The following VPS50 variants were observed in gnomAD, a reference collection of about 807,000 sequenced individuals.
VPS50 encodes the protein syndetin.
VPS50 carries 70 observed loss-of-function variants against 139.7 expected under a neutral mutation model. The observed-to-expected ratio is 0.50, with a 90% confidence interval of 0.41 to 0.61. The LOEUF is 0.61. Among genes scored for constraint, VPS50 ranks in the 20% least tolerant of loss-of-function variants. VPS50 has a pLI of 0.00. For missense variants in VPS50, 921 were observed against 1,133.7 expected, an observed-to-expected ratio of 0.81 and a Z score of 2.69; for synonymous variants, 365 against 376.7, an observed-to-expected ratio of 0.97 and a Z score of 0.36.
chr7:93,266,587 G>A (rs1167504035), intron 9 of VPS50, among the ~76,000 whole-genome samples: 2 of 152,208 alleles, frequency 1.3e-5, no homozygotes, highest in African/African-American at 2.4e-5. Context: ...CTGTAGTGAT[G>A]GTAAAAACCC....
At chr7:93,259,480 AT>A (rs571408077) in intron 8 of VPS50, 69 bp from the exon 9 acceptor site, 303 of 781,742 alleles carry the variant, frequency 3.9e-4, no homozygotes, top group South Asian at 5.8e-4. Flanking sequence ...ATGAACAGAG[AT>A]TTTTTTTTAT....
chr7:93,354,384 C>G (rs567173595), intron 26 of VPS50, among the ~76,000 whole-genome samples: 18 of 151,516 alleles, frequency 1.2e-4, no homozygotes, highest in African/African-American at 3.2e-4. Context: ...GCCTCTCCCT[C>G]CTGGGCTCAA....
At chr7:93,339,883 T>C (rs1464056258) in intron 22 of VPS50, among the ~76,000 whole-genome samples, 1 of 152,248 alleles carries the variant, frequency 6.6e-6, no homozygotes, top group Non-Finnish European at 1.5e-5. Flanking sequence ...ACATAGCTTT[T>C]ATTCTATTTT....
chr7:93,239,853 T>C lies in VPS50; in HGVS notation c.34-13T>C, dbSNP rs767644445. The C allele has an allele frequency of 2.0e-6, 3 of 1,534,930 alleles. No individual in the cohort carries two copies. The highest frequency in any genetic ancestry group is 4.5e-5 in the East Asian group (2 of 44,342). On this transcript the variant is annotated splice_polypyrimidine_tract_variant and intron_variant, in intron 1 of 27. Transcript: ENST00000305866. ...CATGATTAAAATTTTCCTCATCTTATTATTTTTTTAAGGGTCTGAAAAGCC... is the reference window on the plus strand; with the variant it reads ...CATGATTAAAATTTTCCTCATCTTACTATTTTTTTAAGGGTCTGAAAAGCC...
intron 10 of VPS50, 45 bp from the exon 11 acceptor site, chr7:93,272,590 A>G: frequency 1.2e-6 from 1 of 807,154 alleles, no homozygotes; most frequent in Non-Finnish European, 2.0e-6. Flanking sequence ...TGCCTTGAAA[A>G]CATAATTCCT....
chr7:93,306,068 A>G, intron 18 of VPS50, 64 bp downstream of exon 18: 1 of 1,205,938 alleles, frequency 8.3e-7, no homozygotes, highest in South Asian at 1.3e-5. Flanking sequence ...CTCAATGAAC[A>G]AGGCAATTCA....
intron 12 of VPS50, among the ~76,000 whole-genome samples, chr7:93,283,488 G>T (rs1796391176): frequency 6.6e-6 from 1 of 152,018 alleles, no homozygotes; most frequent in African/African-American, 2.4e-5. Flanking sequence ...CACCTGCCTT[G>T]GCTTCCCAAA....
At chr7:93,238,672 G>A (rs1282843408) in intron 1 of VPS50, among the ~76,000 whole-genome samples, 2 of 152,174 alleles carry the variant, frequency 1.3e-5, no homozygotes, top group Non-Finnish European at 2.9e-5. Flanking sequence ...TTATTTTAGG[G>A]CCTAGGAATC....
intron 9 of VPS50, among the ~76,000 whole-genome samples, chr7:93,263,464 A>G (rs1235711959): frequency 6.6e-6 from 1 of 152,152 alleles, no homozygotes. Flanking sequence ...ATTTTAAGCA[A>G]GTTTATATGC....
intron 19 of VPS50, among the ~76,000 whole-genome samples, chr7:93,309,917 A>C (rs1358858351): frequency 1.3e-5 from 2 of 151,958 alleles, no homozygotes; most frequent in East Asian, 3.8e-4. Flanking sequence ...TACCTATTTA[A>C]TACTGTTTAA....
In VPS50 at chr7:93,239,779, G is replaced by C. The variant is rs1308388783; in HGVS notation, c.34-87G>C. The stretch of plus-strand genomic sequence containing the variant: ...GCAGGAAAATTTCTATTTTTAAAGT[G>C]GTCATTTCTGTTTCAGTAGGTGTAT... On this transcript the variant is annotated intron_variant, in intron 1 of 27. Coordinates refer to ENST00000305866, the MANE Select transcript of VPS50 (RefSeq NM_017667.4). 4.1e-6 allele frequency: 3 copies of C among 734,248 alleles called. No individual in the cohort carries two copies. The African/African-American group carries it at 5.3e-5, about 13-fold the overall frequency. 45.5% of individuals were successfully genotyped at this position (734,248 alleles called of 1,614,324 possible).
At chr7:93,288,867 A>G (rs1754197036) in intron 12 of VPS50, among the ~76,000 whole-genome samples, 1 of 151,920 alleles carries the variant, frequency 6.6e-6, no homozygotes, top group South Asian at 2.1e-4. Flanking sequence ...TCCACGTGAA[A>G]CCCATTTGTG....
chr7:93,296,612 A>G, intron 14 of VPS50, 130 bp from the exon 15 acceptor site: 1 of 1,454,904 alleles, frequency 6.9e-7, no homozygotes. Flanking sequence ...ATTGGCCTAA[A>G]TAGATATTCG....
chr7:93,350,907 T>G (rs193146216), intron 25 of VPS50, among the ~76,000 whole-genome samples: 2 of 152,136 alleles, frequency 1.3e-5, no homozygotes, highest in Admixed American at 1.3e-4. Context: ...GAAAAGAAAA[T>G]TGTCCCTTCT....
chr7:93,356,132 G>C, intron 27 of VPS50, 52 bp downstream of exon 27: 1 of 890,596 alleles, frequency 1.1e-6, no homozygotes, highest in South Asian at 2.5e-5. Flanking sequence ...TCTTTGTGCT[G>C]TTCTTGTTGG....
intron 6 of VPS50, 151 bp from the exon 7 acceptor site, chr7:93,258,008 G>T: frequency 1.8e-6 from 1 of 559,856 alleles, no homozygotes; most frequent in Non-Finnish European, 3.2e-6. Flanking sequence ...GGTTTAGACT[G>T]GCCATTGAGT....
intron 20 of VPS50, among the ~76,000 whole-genome samples, chr7:93,317,836 A>G (rs1797473258): frequency 6.6e-6 from 1 of 152,166 alleles, no homozygotes; most frequent in African/African-American, 2.4e-5. Flanking sequence ...GTTGTTTTTA[A>G]AGTATCCTTG....
intron 23 of VPS50, among the ~76,000 whole-genome samples, chr7:93,346,582 A>G (rs1178265535): frequency 1.3e-5 from 2 of 152,052 alleles, no homozygotes; most frequent in Non-Finnish European, 2.9e-5. Context: ...CTATACTACA[A>G]GGCTACAGTA....
intron 20 of VPS50, chr7:93,323,255 A>G (rs1284221134): frequency 2.0e-5 from 3 of 152,350 alleles, no homozygotes; most frequent in African/African-American, 7.2e-5. Flanking sequence ...CTCCTAGAAA[A>G]GAGAACCAAT....
Sources: allele counts gnomAD v4.1 joint callset (sites outside exome capture counted in the v4.1 genomes callset), GRCh38; gene constraint gnomAD v4.1.1; transcripts MANE v1.5; gene names NCBI Gene and HGNC (gene_info 2026-07-23, HGNC 2026-07-21).